FNDC3A: variants seen among roughly 807,000 people sequenced by gnomAD.
The protein encoded by FNDC3A is fibronectin type-III domain-containing protein 3A.
In FNDC3A, 32 loss-of-function variants were observed where a neutral mutation model predicts 148.9. The ratio of observed to expected loss-of-function variants is 0.21; its 90% CI spans 0.16 to 0.29. The LOEUF (loss-of-function observed/expected upper bound fraction) is 0.29. Among genes scored for constraint, FNDC3A ranks in the 10% least tolerant of loss-of-function variants. FNDC3A has a pLI of 1.00. For missense variants in FNDC3A, 1,191 were observed against 1,452.8 expected (o/e 0.82, Z 2.93); for synonymous variants, 472 against 473.6 (o/e 1.00, Z 0.04).
At position 49,114,747 on chromosome 13, in the gene FNDC3A, A is replaced by G. The variant is rs758874661; in HGVS notation, c.252+16A>G. ...TGCCCCACAGGTATGTTTTTATGCT[A>G]TTTTTCTTTTCATATTTGTATAATA... On this transcript the variant is annotated intron_variant, in intron 4 of 25. Coordinates refer to ENST00000492622, the MANE Select transcript of FNDC3A (RefSeq NM_001079673.2). 4.6e-6 allele frequency: 7 copies of G among 1,530,534 alleles called. No individual in the cohort carries two copies. In the Admixed American group the frequency reaches 8.4e-5, roughly 18 times the overall value. 94.8% of individuals were successfully genotyped at this position (1,530,534 alleles called of 1,614,324 possible). A position where few individuals can be genotyped will look rare whatever the true frequency, so the allele number is the denominator to read the frequency against.
intron 8 of FNDC3A, among the ~76,000 whole-genome samples, chr13:49,150,326 C>A (rs544467828): frequency 3.9e-5 from 6 of 152,136 alleles, no homozygotes; most frequent in African/African-American, 1.4e-4. Context: ...TTTGTTCTTG[C>A]TTTTGTAGTT....
intron 2 of FNDC3A, among the ~76,000 whole-genome samples, chr13:49,014,557 A>G (rs1449574908): frequency 1.4e-5 from 2 of 147,016 alleles, no homozygotes; most frequent in Admixed American, 1.4e-4. Flanking sequence ...TTGCCTGTTC[A>G]CTCTGATGGT....
intron 4 of FNDC3A, among the ~76,000 whole-genome samples, chr13:49,118,945 G>C (rs555042890): frequency 2.6e-5 from 4 of 152,196 alleles, no homozygotes; most frequent in Admixed American, 2.0e-4. Flanking sequence ...AGACGTAAAC[G>C]TTCCTGCCTA....
intron 2 of FNDC3A, among the ~76,000 whole-genome samples, chr13:49,062,656 A>G (rs1876978493): frequency 6.6e-6 from 1 of 151,926 alleles, no homozygotes; most frequent in Admixed American, 6.6e-5. Context: ...GTAGTTTATC[A>G]TTTCTTGCAG....
chr13:49,069,892 T>C (rs1319197580), intron 2 of FNDC3A, among the ~76,000 whole-genome samples: 2 of 152,026 alleles, frequency 1.3e-5, no homozygotes, highest in African/African-American at 4.8e-5. Context: ...CAGAATAGTA[T>C]ATTATAAGCA....
At chr13:49,006,682 C>T (rs562343497) in intron 2 of FNDC3A, among the ~76,000 whole-genome samples, 18 of 151,962 alleles carry the variant, frequency 1.2e-4, no homozygotes, top group Non-Finnish European at 2.1e-4. Flanking sequence ...ATTCTCTTCT[C>T]CCTTCCAAAA....
chr13:49,157,813 G>A (rs1415017449), intron 8 of FNDC3A, among the ~76,000 whole-genome samples: 1 of 132,162 alleles, frequency 7.6e-6, no homozygotes, highest in Non-Finnish European at 1.6e-5. Context: ...GCTGGGGGGT[G>A]CCTCCCAGTT....
intron 3 of FNDC3A, among the ~76,000 whole-genome samples, chr13:49,097,384 C>G (rs1258884468): frequency 6.7e-6 from 1 of 149,114 alleles, no homozygotes; most frequent in Non-Finnish European, 1.5e-5. Context: ...AACACTTTTT[C>G]TTAAGAAACA....
At chr13:49,102,584 C>T (rs1289089188) in intron 3 of FNDC3A, among the ~76,000 whole-genome samples, 2 of 152,162 alleles carry the variant, frequency 1.3e-5, no homozygotes, top group Non-Finnish European at 2.9e-5. Context: ...TTCTCATCCT[C>T]AGTGTTAGTG....
intron 23 of FNDC3A, among the ~76,000 whole-genome samples, chr13:49,200,447 T>C (rs1450465806): frequency 6.6e-6 from 1 of 152,172 alleles, no homozygotes; most frequent in African/African-American, 2.4e-5. Flanking sequence ...AAAGAGATTA[T>C]TTGCCTTGTA....
rs1886759903 is a variant in FNDC3A, at chr13:49,208,615, T to C, written c.*1220T>C. The C allele has an allele frequency of 6.6e-6, 1 of 152,646 alleles. No individual in the cohort carries two copies. The highest frequency in any genetic ancestry group is 1.5e-5 in the Non-Finnish European group (1 of 68,034). 9.5% of individuals were successfully genotyped at this position (152,646 alleles called of 1,614,324 possible). A position where few individuals can be genotyped will look rare whatever the true frequency, so the allele number is the denominator to read the frequency against. On this transcript the variant is annotated 3_prime_UTR_variant, in exon 26 of 26. Transcript: ENST00000492622. ...GTTTTGTGAGCTTGCATTTGTGAGTTATTGGATGATCAGACTGAATTTTGT... is the reference window on the plus strand; with the variant it reads ...GTTTTGTGAGCTTGCATTTGTGAGTCATTGGATGATCAGACTGAATTTTGT...
chr13:49,026,627 C>T (rs1287046598), intron 2 of FNDC3A, among the ~76,000 whole-genome samples: 1 of 152,130 alleles, frequency 6.6e-6, no homozygotes, highest in Non-Finnish European at 1.5e-5. Context: ...CCTCAGCCTC[C>T]TGAGTAGCTA....
At chr13:49,075,267 A>G (rs767223520) in intron 2 of FNDC3A, 22 bp from the exon 3 acceptor site, 5 of 1,445,126 alleles carry the variant, frequency 3.5e-6, no homozygotes, top group Non-Finnish European at 3.9e-6. Flanking sequence ...TTTGATTAAT[A>G]CTTCTTCCCC....
rs572607145 is a variant in FNDC3A at position 49,076,761 on chromosome 13, A to C, written c.175+1397A>C. 3.3e-5 allele frequency among the ~76,000 whole-genome samples: 5 copies of C among 152,076 alleles called. No homozygotes were observed. The East Asian group carries it at 9.7e-4, about 29-fold the overall frequency. On this transcript the variant is annotated intron_variant, in intron 3 of 25. Coordinates refer to ENST00000492622, the MANE Select transcript of FNDC3A (RefSeq NM_001079673.2). The stretch of plus-strand genomic sequence containing the variant: ...GAAACCCCATCATACCAATTATTGC[A>C]CCATTCATTTACCAAATAACTACAC...
chr13:49,178,534 C>A, intron 13 of FNDC3A, 34 bp from the exon 14 acceptor site: 3 of 1,266,572 alleles, frequency 2.4e-6, no homozygotes, highest in Non-Finnish European at 2.3e-6. Flanking sequence ...TATTGTTAGA[C>A]ATCGAATGAA....
Position 49,207,498 on chromosome 13 carries a change from T to C in FNDC3A, c.*103T>C, listed in dbSNP as rs141788700. The C allele has an allele frequency of 3.0e-4, 228 of 753,382 alleles. No homozygotes were observed. In the African/African-American group the frequency reaches 3.4e-3, roughly 11 times the overall value. The allele number at this position is 753,382 out of a possible 1,614,324, so 46.7% of individuals were successfully genotyped here. ...AAAACAGTGGCATTTAGCACTGGCATTGAGACTATAGCACATCATTTTTGC... is the reference window on the plus strand; with the variant it reads ...AAAACAGTGGCATTTAGCACTGGCACTGAGACTATAGCACATCATTTTTGC... On this transcript the variant is annotated 3_prime_UTR_variant, in exon 26 of 26. Coordinates refer to ENST00000492622, the MANE Select transcript of FNDC3A (RefSeq NM_001079673.2).
rs771871931 is a variant in FNDC3A, at chr13:49,198,123, C to G, written c.2632C>G (p.Leu878Val). The change falls in exon 22 of 26, where the codon CTT becomes GTT. Residue 878 changes from leucine to valine, a missense_variant. Around this residue, in one of 3 missense-constraint regions of FNDC3A, gnomAD observed 751 missense variants for 944.0 expected, o/e 0.80. Transcript: ENST00000492622. ...ENPHYSPSTC[L>V]AISWEKPCDH... ...TCCCCATTATTCACCTTCTACATGC[C>G]TTGCAATAAGCTGGGAAAAGCCTTG... is the stretch of plus-strand genomic sequence containing the variant. The G allele has an allele frequency of 6.2e-7, 1 of 1,614,144 alleles. No homozygotes were observed. The highest frequency in any genetic ancestry group is 8.5e-7 in the Non-Finnish European group (1 of 1,180,012).
At position 49,208,215 on chromosome 13, in the gene FNDC3A, G is replaced by T. The variant is rs1236714668; in HGVS notation, c.*820G>T. On this transcript the variant is annotated 3_prime_UTR_variant, in exon 26 of 26. Coordinates refer to ENST00000492622, the MANE Select transcript of FNDC3A (RefSeq NM_001079673.2). ...GTGAACCTTTGAACTATATGTATGT[G>T]TATAAGGGTATACACATACATATAT... 1 of 152,208 alleles carries T rather than the reference G, an allele frequency of 6.6e-6. No homozygotes were observed. Among genetic ancestry groups the T allele is most frequent in the East Asian group, 1.9e-4 (1 of 5,192 alleles). 9.4% of individuals were successfully genotyped at this position (152,208 alleles called of 1,614,324 possible).
intron 19 of FNDC3A, among the ~76,000 whole-genome samples, chr13:49,196,160 C>T (rs930304749): frequency 1.3e-5 from 2 of 150,654 alleles, no homozygotes; most frequent in African/African-American, 4.9e-5. Context: ...TGATACAGTG[C>T]AGTAACAAGT....
Sources: gnomAD v4.1 joint callset for allele counts (sites outside exome capture counted in the v4.1 genomes callset) on GRCh38, gnomAD v4.1.1 for gene constraint, gnomAD v4.1.1 regional missense constraint, MANE v1.5 for transcripts, NCBI Gene and HGNC (gene_info 2026-07-23, HGNC 2026-07-21) for gene names.